The following ANTXR1 variants were observed in gnomAD, a reference collection of about 807,000 sequenced individuals.
ANTXR1 encodes the protein anthrax toxin receptor 1.
ANTXR1 carries 19 observed loss-of-function variants against 78.1 expected under a neutral mutation model. That is an observed-to-expected ratio of 0.24 (90% CI 0.17 to 0.36). The LOEUF (loss-of-function observed/expected upper bound fraction) is 0.36, where lower values mean the gene tolerates loss of function less well. ANTXR1 is among the 10% of genes least tolerant of loss of function. The pLI is 1.00. For synonymous variants in ANTXR1, 273 were observed against 260.5 expected (o/e 1.05, Z -0.46); for missense variants, 518 against 718.6 (o/e 0.72, Z 3.19).
In ANTXR1 at chr2:69,245,752, G is replaced by A; in HGVS notation, c.*267G>A. ...AGAAGGTTCCAGAGACAGTGAAACTGCAAGATGCTCTCAACAGGATTATGT... is the reference window on the plus strand; with the variant it reads ...AGAAGGTTCCAGAGACAGTGAAACTACAAGATGCTCTCAACAGGATTATGT... On this transcript the variant is annotated 3_prime_UTR_variant, in exon 18 of 18. Coordinates refer to ENST00000303714, the MANE Select transcript of ANTXR1 (RefSeq NM_032208.3). The A allele has an allele frequency of 4.4e-6, 2 of 449,688 alleles. No individual in the cohort carries two copies. Among genetic ancestry groups the A allele is most frequent in the Non-Finnish European group, 7.9e-6 (2 of 253,100 alleles). 27.9% of individuals were successfully genotyped at this position (449,688 alleles called of 1,614,324 possible).
chr2:69,114,064 T>C (rs1461203554), intron 10 of ANTXR1, among the ~76,000 whole-genome samples: 1 of 152,190 alleles, frequency 6.6e-6, no homozygotes, highest in African/African-American at 2.4e-5. Context: ...AACTACCCTA[T>C]TAACTTCAGA....
At chr2:69,125,773 G>A (rs1672514507) in intron 12 of ANTXR1, among the ~76,000 whole-genome samples, 1 of 152,074 alleles carries the variant, frequency 6.6e-6, no homozygotes, top group South Asian at 2.1e-4. Context: ...CCCGAGAGGT[G>A]GAGGTTGCAG....
At chr2:69,155,127 C>G (rs559611113) in intron 13 of ANTXR1, among the ~76,000 whole-genome samples, 3 of 152,330 alleles carry the variant, frequency 2.0e-5, no homozygotes, top group South Asian at 4.1e-4. Context: ...CCCACTCCCC[C>G]ATTTGGGCTC....
intron 2 of ANTXR1, among the ~76,000 whole-genome samples, chr2:69,043,551 A>G (rs748253523): frequency 1.3e-5 from 2 of 152,188 alleles, no homozygotes; most frequent in African/African-American, 2.4e-5. Flanking sequence ...AGGGACCAAT[A>G]TTCAATTCAC....
chr2:69,030,648 A>T (rs1220382265), intron 1 of ANTXR1, among the ~76,000 whole-genome samples: 4 of 152,196 alleles, frequency 2.6e-5, no homozygotes, highest in Non-Finnish European at 5.9e-5. Flanking sequence ...GCATTCAAGG[A>T]TATATTCAAA....
chr2:69,060,665 T>C (rs1315550914), intron 3 of ANTXR1, among the ~76,000 whole-genome samples: 1 of 152,188 alleles, frequency 6.6e-6, no homozygotes, highest in Non-Finnish European at 1.5e-5. Flanking sequence ...AACTGTGTCT[T>C]ATGCTGAAAG....
intron 9 of ANTXR1, among the ~76,000 whole-genome samples, chr2:69,100,134 G>A (rs1295264177): frequency 3.3e-5 from 5 of 152,212 alleles, no homozygotes; most frequent in African/African-American, 2.4e-5. Context: ...ATTTTGAAAG[G>A]TGGGTTCAGG....
At chr2:69,049,205 A>G (rs1468557656) in intron 3 of ANTXR1, among the ~76,000 whole-genome samples, 3 of 152,180 alleles carry the variant, frequency 2.0e-5, no homozygotes, top group Non-Finnish European at 4.4e-5. Flanking sequence ...AAGACCATGC[A>G]TGCAGCCCCC....
chr2:69,133,627 G>C (rs1335462598), intron 12 of ANTXR1, among the ~76,000 whole-genome samples: 1 of 152,178 alleles, frequency 6.6e-6, no homozygotes, highest in Non-Finnish European at 1.5e-5. Flanking sequence ...CCACTGATTT[G>C]TGAATTTGGT....
chr2:69,145,487 A>G, intron 12 of ANTXR1: 1 of 1,508,686 alleles, frequency 6.6e-7, no homozygotes, highest in East Asian at 2.5e-5. Context: ...TGGAGGGCAG[A>G]GACAGGCCTG....
At chr2:69,160,647 G>A (rs1434988130) in intron 13 of ANTXR1, among the ~76,000 whole-genome samples, 4 of 152,126 alleles carry the variant, frequency 2.6e-5, no homozygotes, top group Admixed American at 2.0e-4. Context: ...GTATGAATAG[G>A]GGCACTTCAG....
At chr2:69,117,121 A>C (rs72827647) in intron 10 of ANTXR1, among the ~76,000 whole-genome samples, 14,490 of 151,980 alleles carry the variant, frequency 0.095, 725 homozygotes, top group South Asian at 0.11. Context: ...TCATCCCTAG[A>C]CCCCTCTCCT....
rs1165989766 is a variant in ANTXR1, at chr2:69,181,726, T to G, written c.1090-60T>G. On this transcript the variant is annotated intron_variant, in intron 14 of 17. Coordinates refer to ENST00000303714, the MANE Select transcript of ANTXR1 (RefSeq NM_032208.3). The stretch of plus-strand genomic sequence containing the variant: ...TCTACTCCTAATCACTTGGCTGTAG[T>G]AGGCAGGTCCACACAGCAGTGCTGT... The G allele has an allele frequency of 2.1e-5, 31 of 1,497,054 alleles. No homozygotes were observed. In the Admixed American group the frequency reaches 5.2e-4, roughly 25 times the overall value. 92.7% of individuals were successfully genotyped at this position (1,497,054 alleles called of 1,614,324 possible).
At chr2:69,143,462 C>T (rs977082068) in intron 12 of ANTXR1, among the ~76,000 whole-genome samples, 2 of 152,088 alleles carry the variant, frequency 1.3e-5, no homozygotes, top group African/African-American at 4.8e-5. Context: ...TCAGTGTGAA[C>T]GGTTGAGTTT....
Position 69,180,988 on chromosome 2 carries a change from G to A in ANTXR1, c.1090-798G>A, listed in dbSNP as rs78447616. Among the ~76,000 whole-genome samples the A allele has an allele frequency of 9.9e-3, 1,507 of 152,312 alleles. 55 individuals carry two copies. In the East Asian group the frequency reaches 0.12, roughly 13 times the overall value. ...AGACAGGAATTTGCCCAGAGTATTT[G>A]AGAGAGGGCAGGCAGGCTGGAGCTC... On this transcript the variant is annotated intron_variant, in intron 14 of 17. Transcript: ENST00000303714.
chr2:69,018,033 G>C (rs1237784823), intron 1 of ANTXR1, among the ~76,000 whole-genome samples: 1 of 152,156 alleles, frequency 6.6e-6, no homozygotes, highest in Non-Finnish European at 1.5e-5. Flanking sequence ...GCTATGTTAT[G>C]TGTGCCCTGA....
At chr2:69,062,849 G>A (rs946834595) in intron 3 of ANTXR1, among the ~76,000 whole-genome samples, 5 of 151,998 alleles carry the variant, frequency 3.3e-5, no homozygotes, top group Non-Finnish European at 5.9e-5. Flanking sequence ...GAATACAATG[G>A]GGGGGAAGAT....
chr2:69,187,838 C>G (rs1674458008), intron 16 of ANTXR1, among the ~76,000 whole-genome samples: 1 of 151,308 alleles, frequency 6.6e-6, no homozygotes, highest in East Asian at 1.9e-4. Flanking sequence ...ATCTGACCGC[C>G]TCGGCCGCCC....
At chr2:69,231,955 A>T (rs1675608115) in intron 17 of ANTXR1, among the ~76,000 whole-genome samples, 1 of 152,180 alleles carries the variant, frequency 6.6e-6, no homozygotes, top group African/African-American at 2.4e-5. Flanking sequence ...CAGGGGGAAA[A>T]GATGGCAGCC....
Sources: allele counts gnomAD v4.1 joint callset (sites outside exome capture counted in the v4.1 genomes callset), GRCh38; gene constraint gnomAD v4.1.1; transcripts MANE v1.5; gene names NCBI Gene and HGNC (gene_info 2026-07-23, HGNC 2026-07-21).